Variants in BSND observed in about 807,000 individuals in gnomAD.
The protein encoded by BSND is barttin.
In BSND, 13 loss-of-function variants were observed where a neutral mutation model predicts 18.8. The observed-to-expected ratio is 0.69, with a 90% CI of 0.45 to 1.10. The LOEUF (loss-of-function observed/expected upper bound fraction) is 1.10, where lower values mean the gene tolerates loss of function less well. Ranked by LOEUF, BSND falls within the 50% of genes least tolerant of loss-of-function variation. The pLI is 0.00. For synonymous variants in BSND, 170 were observed against 161.8 expected, an observed-to-expected ratio of 1.05 and a Z score of -0.39; for missense variants, 379 against 416.7, an observed-to-expected ratio of 0.91 and a Z score of 0.79.
intron 1 of BSND, among the ~76,000 whole-genome samples, chr1:55,003,905 C>T (rs1644375726): frequency 6.6e-6 from 1 of 152,194 alleles, no homozygotes; most frequent in African/African-American, 2.4e-5. Context: ...TTTAAGTGTA[C>T]AGTACAGCTA....
In BSND at chr1:55,009,403, CTGCCTCCCGTTG is replaced by C. The variant is rs1557486657; in HGVS notation, c.*776_*787del. On this transcript the variant is annotated 3_prime_UTR_variant, in exon 4 of 4. Transcript: ENST00000651561. Reference sequence around the variant, plus strand: ...ATATTTGTCAGTGTGGCATGGCTGCCTGCCTCCCGTTGAAGGGCAGCATCTTGACTTTACTCA... The same window carrying C: ...ATATTTGTCAGTGTGGCATGGCTGCCAAGGGCAGCATCTTGACTTTACTCA... 2.6e-5 allele frequency: 4 copies of C among 152,480 alleles called. No homozygotes were observed. The highest frequency in any genetic ancestry group is 5.9e-5 in the Non-Finnish European group (4 of 68,174). 9.4% of individuals were successfully genotyped at this position (152,480 alleles called of 1,614,324 possible).
intron 1 of BSND, among the ~76,000 whole-genome samples, chr1:55,001,800 G>T (rs553768819): frequency 1.3e-5 from 2 of 152,214 alleles, no homozygotes; most frequent in African/African-American, 4.8e-5. Flanking sequence ...TCACCAAGCA[G>T]AGAAGATGGG....
At chr1:55,000,028 C>T (rs1045057091) in intron 1 of BSND, among the ~76,000 whole-genome samples, 18 of 152,136 alleles carry the variant, frequency 1.2e-4, no homozygotes, top group Non-Finnish European at 2.5e-4. Flanking sequence ...TAGTTCAAGT[C>T]CTGTTCCAAA....
intron 1 of BSND, among the ~76,000 whole-genome samples, chr1:55,004,327 T>C (rs1197393873): frequency 1.3e-5 from 2 of 152,220 alleles, no homozygotes; most frequent in Non-Finnish European, 1.5e-5. Context: ...GGTAGCCCCG[T>C]TATACAGAGG....
Position 55,008,908 on chromosome 1 carries a change from C to T in BSND, c.*280C>T, listed in dbSNP as rs967811895. ...CCCTCAAAAGCATTTTCCACCTTCC[C>T]CCAAAGCTGACCTCTGAGAGGAACC... is the stretch of plus-strand genomic sequence containing the variant. On this transcript the variant is annotated 3_prime_UTR_variant, in exon 4 of 4. Transcript: ENST00000651561. 7.9e-6 allele frequency: 4 copies of T among 507,066 alleles called. No homozygotes were observed. The highest frequency in any genetic ancestry group is 7.7e-5 in the African/African-American group (4 of 51,774). 31.4% of individuals were successfully genotyped at this position (507,066 alleles called of 1,614,324 possible). A position where few individuals can be genotyped will look rare whatever the true frequency, so the allele number is the denominator to read the frequency against.
In BSND at chr1:55,012,512, A is replaced by G. The variant is rs558887643; in HGVS notation, c.*3884A>G. Among the ~76,000 whole-genome samples the G allele has an allele frequency of 2.0e-5, 3 of 152,318 alleles. 1 individual carries two copies. In the South Asian group the frequency reaches 6.2e-4, roughly 32 times the overall value. ...CCACATTTATGCAGTGGGGAGGATA[A>G]TACCTCCCTCTTGGGCTTTTGTGGA... On this transcript the variant is annotated 3_prime_UTR_variant, in exon 4 of 4. Transcript: ENST00000651561.
rs1557487412 is a variant in BSND at position 55,011,334 on chromosome 1, C to A, written c.*2706C>A. ...GAGGCCCCTTTCACGCTCGAAGATA[C>A]CTCATTTGGATGATACAATGTTACC... On this transcript the variant is annotated 3_prime_UTR_variant, in exon 4 of 4. Transcript: ENST00000651561. 1 of 152,260 alleles carries A rather than the reference C, an allele frequency of 6.6e-6. No homozygotes were observed. Among genetic ancestry groups the A allele is most frequent in the Non-Finnish European group, 1.5e-5 (1 of 68,074 alleles). 9.4% of individuals were successfully genotyped at this position (152,260 alleles called of 1,614,324 possible). A position where few individuals can be genotyped will look rare whatever the true frequency, so the allele number is the denominator to read the frequency against.
intron 1 of BSND, among the ~76,000 whole-genome samples, chr1:55,001,485 G>A (rs151118971): frequency 6.6e-6 from 1 of 152,136 alleles, no homozygotes; most frequent in African/African-American, 2.4e-5. Context: ...GATCCTGCTT[G>A]GTCTCATTGG....
chr1:55,011,431 G>A lies in BSND; in HGVS notation c.*2803G>A, dbSNP rs1422505159. On this transcript the variant is annotated 3_prime_UTR_variant, in exon 4 of 4. Transcript: ENST00000651561. ...TCAGCTTTCTCATGTGCAAATGACA[G>A]ATGAAGTGCGCATATCTTGGAATCT... 2 of 152,258 alleles carry A rather than the reference G, an allele frequency of 1.3e-5. No individual in the cohort carries two copies. The highest frequency in any genetic ancestry group is 4.8e-5 in the African/African-American group (2 of 41,446). 9.4% of individuals were successfully genotyped at this position (152,258 alleles called of 1,614,324 possible).
At chr1:55,003,773 G>C (rs1644374867) in intron 1 of BSND, among the ~76,000 whole-genome samples, 1 of 152,212 alleles carries the variant, frequency 6.6e-6, no homozygotes, top group Non-Finnish European at 1.5e-5. Context: ...ACCATGCTGA[G>C]GGATTCCCTA....
At chr1:54,999,423 GTGCCTGTATGCCA>G in intron 1 of BSND, 60 bp downstream of exon 1, 2 of 1,530,948 alleles carry the variant, frequency 1.3e-6, no homozygotes, top group Non-Finnish European at 1.8e-6. Context: ...GCTGGACACT[GTGCCTGTATGCCA>G]TGCCTCACCC....
Position 55,008,509 on chromosome 1 carries a change from G to C in BSND, c.844G>C (p.Asp282His). ...RTKVEEKEAS[D>H]TGGEEPEKEE... ...AAAGGTGGAGGAGAAGGAGGCTTCG[G>C]ACACAGGTGGGGAGGAACCTGAGAA... The change falls in exon 4 of 4, where the codon GAC becomes CAC. Residue 282 changes from aspartate (D) to histidine (H), a missense_variant. Transcript: ENST00000651561. The C allele has an allele frequency of 6.2e-7, 1 of 1,614,240 alleles. No individual in the cohort carries two copies. Among genetic ancestry groups the C allele is most frequent in the Non-Finnish European group, 8.5e-7 (1 of 1,180,048 alleles).
At chr1:55,002,226 T>G (rs946000086) in intron 1 of BSND, among the ~76,000 whole-genome samples, 2 of 152,216 alleles carry the variant, frequency 1.3e-5, no homozygotes, top group South Asian at 4.1e-4. Context: ...CCAGGTTATC[T>G]TATTGAATTT....
chr1:55,008,172 G>C, intron 3 of BSND, 42 bp from the exon 4 acceptor site: 1 of 1,575,244 alleles, frequency 6.3e-7, no homozygotes, highest in South Asian at 1.1e-5. Context: ...CAGGCATTCT[G>C]ACTCAGAGAT....
Position 55,013,533 on chromosome 1 carries a change from G to C in BSND, c.*4905G>C, listed in dbSNP as rs868027732. Among the ~76,000 whole-genome samples, 1 of 152,158 alleles carries C rather than the reference G, an allele frequency of 6.6e-6. No homozygotes were observed. Among genetic ancestry groups the C allele is most frequent in the South Asian group, 2.1e-4 (1 of 4,824 alleles). On this transcript the variant is annotated 3_prime_UTR_variant, in exon 4 of 4. Coordinates refer to ENST00000651561, the MANE Select transcript of BSND (RefSeq NM_057176.3). ...AATTTGCCCATCCTTGCGGAGAAGA[G>C]CTAAATGGAGGAGAGGAGGTAGAGC...
Position 55,013,053 on chromosome 1 carries a change from T to A in BSND, c.*4425T>A, listed in dbSNP as rs1220861043. Among the ~76,000 whole-genome samples, 2 of 141,512 alleles carry A rather than the reference T, an allele frequency of 1.4e-5. No homozygotes were observed. The highest frequency in any genetic ancestry group is 3.1e-5 in the Non-Finnish European group (2 of 65,126). 92.8% of individuals were successfully genotyped at this position (141,512 alleles called of 152,430 possible). A position where few individuals can be genotyped will look rare whatever the true frequency, so the allele number is the denominator to read the frequency against. On this transcript the variant is annotated 3_prime_UTR_variant, in exon 4 of 4. Coordinates refer to ENST00000651561, the MANE Select transcript of BSND (RefSeq NM_057176.3). Reference sequence around the variant, plus strand: ...CCTGTGCTCTTCCCACGATGCCACCTGGTCCACGTCATAAGACTCAACAAT... The same window carrying A: ...CCTGTGCTCTTCCCACGATGCCACCAGGTCCACGTCATAAGACTCAACAAT...
Position 55,008,563 on chromosome 1 carries a change from C to T in BSND, c.898C>T (p.Pro300Ser). ...AGAGGAAGACCTGTACTATGGGCTGCCAGATGGAGCCGGGGACCTCCTCCC... is the reference window on the plus strand; with the variant it reads ...AGAGGAAGACCTGTACTATGGGCTGTCAGATGGAGCCGGGGACCTCCTCCC... Reference protein sequence around the residue: ...KEEEDLYYGLPDGAGDLLPDK... With the variant: ...KEEEDLYYGLSDGAGDLLPDK... Residue 300 changes from proline to serine, a missense_variant, in exon 4 of 4, where the codon CCA becomes TCA. Coordinates refer to ENST00000651561, the MANE Select transcript of BSND (RefSeq NM_057176.3). 1.2e-6 allele frequency: 2 copies of T among 1,614,148 alleles called. No homozygotes were observed. Among genetic ancestry groups the T allele is most frequent in the Non-Finnish European group, 1.7e-6 (2 of 1,180,030 alleles).
At position 55,006,692 on chromosome 1, in the gene BSND, G is replaced by A. The variant is rs4927186; in HGVS notation, c.273-305G>A. Among the ~76,000 whole-genome samples the A allele has an allele frequency of 0.56, 84,633 of 152,032 alleles. 24,882 individuals carry two copies. Among genetic ancestry groups the A allele is most frequent in the African/African-American group, 0.75 (31,309 of 41,480 alleles). On this transcript the variant is annotated intron_variant, in intron 2 of 3. Transcript: ENST00000651561. ...AGCCTTTACCCACCATCTGGGACCCGGCAAACTCAATGTTAACGGGTCTTC... is the reference window on the plus strand; with the variant it reads ...AGCCTTTACCCACCATCTGGGACCCAGCAAACTCAATGTTAACGGGTCTTC...
At chr1:55,005,343 C>T (rs189007419) in intron 2 of BSND, among the ~76,000 whole-genome samples, 19 of 152,262 alleles carry the variant, frequency 1.2e-4, no homozygotes, top group African/African-American at 2.6e-4. Flanking sequence ...TTGTCAGGGA[C>T]GAGACAGTGT....
Sources: allele counts gnomAD v4.1 joint callset (sites outside exome capture counted in the v4.1 genomes callset), GRCh38; gene constraint gnomAD v4.1.1; transcripts MANE v1.5; gene names NCBI Gene and HGNC (gene_info 2026-07-23, HGNC 2026-07-21).